Variants in PUDP observed in about 807,000 individuals in gnomAD.
The protein encoded by PUDP is pseudouridine-5'-phosphatase.
A neutral mutation model predicts 9.4 loss-of-function variants in PUDP; 8 were observed. The ratio of observed to expected loss-of-function variants is 0.85; its 90% CI spans 0.50 to 1.53. The LOEUF is 1.53. PUDP is among the 40% of genes most tolerant of loss of function. The pLI is 0.00. For missense variants in PUDP, 188 were observed against 189.7 expected, an observed-to-expected ratio of 0.99 and a Z score of 0.05; for synonymous variants, 99 against 80.7, an observed-to-expected ratio of 1.23 and a Z score of -1.22.
At chrX:6,713,651 T>C (rs180913994) in intron 1 of PUDP, among the ~76,000 whole-genome samples, 76 of 109,348 alleles carry the variant, frequency 7.0e-4, no homozygotes, top group African/African-American at 2.5e-3. Context: ...GGAACATCTA[T>C]GTATCTCCCA....
intron 3 of PUDP, among the ~76,000 whole-genome samples, chrX:6,867,196 C>T (rs1927099823): frequency 8.9e-6 from 1 of 112,133 alleles, no homozygotes; most frequent in Non-Finnish European, 1.9e-5. Context: ...AGTCACTCTA[C>T]CAAATCTTCC....
chrX:6,964,019 A>G (rs772216224), intron 3 of PUDP, among the ~76,000 whole-genome samples: 3 of 112,269 alleles, frequency 2.7e-5, no homozygotes, highest in Non-Finnish European at 3.8e-5. Context: ...AGTGGCTTGC[A>G]TTAGCACGCC....
At chrX:6,928,773 C>G (rs1284121314) in intron 3 of PUDP, among the ~76,000 whole-genome samples, 1 of 110,971 alleles carries the variant, frequency 9.0e-6, no homozygotes, top group African/African-American at 3.3e-5. Flanking sequence ...TGTTGCATGC[C>G]TCTGGTCCCA....
intron 1 of PUDP, among the ~76,000 whole-genome samples, chrX:6,993,203 T>C (rs1929209115): frequency 9.0e-6 from 1 of 111,245 alleles, no homozygotes; most frequent in Non-Finnish European, 1.9e-5. Flanking sequence ...TATATATACC[T>C]CTATCCTATT....
intron 3 of PUDP, among the ~76,000 whole-genome samples, chrX:6,947,886 G>T (rs192569678): frequency 4.4e-4 from 49 of 112,390 alleles, no homozygotes; most frequent in Admixed American, 2.3e-3. Flanking sequence ...TAATTTGACA[G>T]TGGTTAAAGT....
At chrX:7,102,364 C>T (rs1036653332) in intron 2 of PUDP, among the ~76,000 whole-genome samples, 1 of 93,501 alleles carries the variant, frequency 1.1e-5, no homozygotes, top group Non-Finnish European at 2.2e-5. Context: ...AGAAAGAAAA[C>T]GCATTTGAAA....
chrX:6,760,351 T>C (rs1207456632), intron 3 of PUDP, among the ~76,000 whole-genome samples: 1 of 111,913 alleles, frequency 8.9e-6, no homozygotes, highest in Non-Finnish European at 1.9e-5. Context: ...ATGATGTTGA[T>C]GTGAAAAGCA....
intron 1 of PUDP, among the ~76,000 whole-genome samples, chrX:7,005,859 G>A (rs967605546): frequency 9.0e-6 from 1 of 110,986 alleles, no homozygotes; most frequent in Non-Finnish European, 1.9e-5. Flanking sequence ...TCCCCACCCC[G>A]GGTAACCACT....
chrX:6,725,282 G>A (rs1924726138), upstream of PUDP, among the ~76,000 whole-genome samples: 1 of 112,041 alleles, frequency 8.9e-6, no homozygotes, highest in Non-Finnish European at 1.9e-5. Context: ...CAGTTATGTT[G>A]CATGGGTACA....
At chrX:6,890,301 G>C (rs1390710418) in intron 3 of PUDP, among the ~76,000 whole-genome samples, 1 of 111,804 alleles carries the variant, frequency 8.9e-6, no homozygotes, top group Non-Finnish European at 1.9e-5. Context: ...TTAGAATTTA[G>C]CCTTCTCCCA....
intron 1 of PUDP, among the ~76,000 whole-genome samples, chrX:7,145,181 TACTG>T (rs760087226): frequency 2.7e-5 from 3 of 112,549 alleles, no homozygotes; most frequent in South Asian, 3.6e-4. Context: ...GATTTTCTTA[TACTG>T]ACTTTGTATT....
At chrX:6,945,303 A>T (rs1928449148) in intron 3 of PUDP, among the ~76,000 whole-genome samples, 1 of 112,046 alleles carries the variant, frequency 8.9e-6, no homozygotes, top group Non-Finnish European at 1.9e-5. Context: ...CAAGCCACAA[A>T]GTTGAAGGAG....
chrX:6,927,565 C>T (rs1928124456), intron 3 of PUDP, among the ~76,000 whole-genome samples: 1 of 112,002 alleles, frequency 8.9e-6, no homozygotes, highest in African/African-American at 3.2e-5. Context: ...CAGTTCTTCT[C>T]AGGTGCTGTG....
At chrX:6,731,256 A>G (rs893748256) in intron 3 of PUDP, among the ~76,000 whole-genome samples, 1 of 111,172 alleles carries the variant, frequency 9.0e-6, no homozygotes, top group African/African-American at 3.3e-5. Flanking sequence ...AACTTTTTGT[A>G]GAGACAAGGT....
intron 3 of PUDP, among the ~76,000 whole-genome samples, chrX:6,937,401 A>T (rs1216391637): frequency 1.8e-5 from 2 of 108,492 alleles, no homozygotes; most frequent in African/African-American, 6.7e-5. Flanking sequence ...CTATTTAGTA[A>T]ATGGTGCTGG....
chrX:6,772,102 G>A (rs775842037), intron 3 of PUDP, among the ~76,000 whole-genome samples: 14 of 111,701 alleles, frequency 1.3e-4, no homozygotes, highest in Non-Finnish European at 2.3e-4. Context: ...AAACGTTTGG[G>A]GCAATGCCTT....
intron 3 of PUDP, among the ~76,000 whole-genome samples, chrX:6,789,671 G>T (rs752125469): frequency 9.0e-6 from 1 of 110,662 alleles, no homozygotes; most frequent in East Asian, 2.8e-4. Flanking sequence ...AGCATCGATT[G>T]GATATAGGAT....
chrX:6,892,455 A>G (rs1451281375), intron 3 of PUDP, among the ~76,000 whole-genome samples: 9 of 111,374 alleles, frequency 8.1e-5, no homozygotes, highest in Admixed American at 3.8e-4. Flanking sequence ...CTTACATGGC[A>G]GCAGACAGGA....
At chrX:7,023,813 A>T (rs748867086) in intron 1 of PUDP, among the ~76,000 whole-genome samples, 1 of 112,078 alleles carries the variant, frequency 8.9e-6, no homozygotes, top group African/African-American at 3.2e-5. Flanking sequence ...TCAAAGTTAA[A>T]CATCTTAACA....
Sources: allele counts gnomAD v4.1 joint callset (sites outside exome capture counted in the v4.1 genomes callset), GRCh38; gene constraint gnomAD v4.1.1; transcripts MANE v1.5; gene names NCBI Gene and HGNC (gene_info 2026-07-23, HGNC 2026-07-21).